Variants in RTL4 observed in about 807,000 individuals in gnomAD.
RTL4 encodes retrotransposon Gag-like protein 4.
RTL4 carries 4 observed loss-of-function variants against 5.3 expected under a neutral mutation model. The observed-to-expected ratio is 0.75, with a 90% CI of 0.37 to 1.72. The LOEUF is 1.72. Among genes scored for constraint, RTL4 ranks in the 40% most tolerant of loss-of-function variants. The pLI is 0.04. For missense variants in RTL4, 260 were observed against 227.1 expected, an observed-to-expected ratio of 1.14 and a Z score of -0.93; for synonymous variants, 98 against 87.3, an observed-to-expected ratio of 1.12 and a Z score of -0.68.
At chrX:112,272,754 G>C in the RTL4 span, among the ~76,000 whole-genome samples, 16 of 111,102 alleles carry the variant, frequency 1.4e-4, no homozygotes, top group African/African-American at 4.9e-4. Context: ...TTTTTTCCTA[G>C]AATTTTGTCT....
chrX:112,269,991 A>T, the RTL4 span, among the ~76,000 whole-genome samples: 14 of 112,475 alleles, frequency 1.2e-4, no homozygotes, highest in East Asian at 3.6e-3. Context: ...ATGGAGAAGG[A>T]TAATTAGAAT....
At chrX:112,335,529 A>G in the RTL4 span, among the ~76,000 whole-genome samples, 34 of 111,183 alleles carry the variant, frequency 3.1e-4, no homozygotes, top group African/African-American at 1.1e-3. Flanking sequence ...TTTTTCTCCT[A>G]TCGTGATGAT....
chrX:112,269,668 G>A, the RTL4 span, among the ~76,000 whole-genome samples: 1 of 111,622 alleles, frequency 9.0e-6, no homozygotes, highest in Non-Finnish European at 1.9e-5. Flanking sequence ...ATAAAGACTG[G>A]GCCTAACCAC....
chrX:112,094,440 TAG>T, the RTL4 span, among the ~76,000 whole-genome samples: 6 of 110,589 alleles, frequency 5.4e-5, no homozygotes, highest in African/African-American at 2.0e-4. Context: ...GGGGAGATGT[TAG>T]AGAGTTGGTC....
At chrX:112,412,671 G>A in the RTL4 span, among the ~76,000 whole-genome samples, 1 of 111,611 alleles carries the variant, frequency 9.0e-6, no homozygotes, top group African/African-American at 3.3e-5. Context: ...AATGAAACTA[G>A]ACCTCTATCT....
chrX:112,406,140 GA>G, the RTL4 span, among the ~76,000 whole-genome samples: 1 of 111,562 alleles, frequency 9.0e-6, no homozygotes, highest in Non-Finnish European at 1.9e-5. Flanking sequence ...AACTTGAAAG[GA>G]AGTCTAAGCC....
the RTL4 span, among the ~76,000 whole-genome samples, chrX:112,150,839 GT>G: frequency 8.9e-6 from 1 of 112,215 alleles, no homozygotes; most frequent in Non-Finnish European, 1.9e-5. Context: ...AGAGGAAATA[GT>G]AGAGAACCAC....
chrX:112,369,450 T>C, the RTL4 span, among the ~76,000 whole-genome samples: 2 of 110,385 alleles, frequency 1.8e-5, no homozygotes, highest in African/African-American at 6.7e-5. Flanking sequence ...TCAGAATCCT[T>C]CATAACTGTC....
chrX:112,358,547 G>T, the RTL4 span, among the ~76,000 whole-genome samples: 1 of 111,421 alleles, frequency 9.0e-6, no homozygotes, highest in Non-Finnish European at 1.9e-5. Flanking sequence ...CAATTGCAGA[G>T]GTAAACAAAG....
At chrX:112,432,394 T>G in the RTL4 span, among the ~76,000 whole-genome samples, 2 of 93,144 alleles carry the variant, frequency 2.1e-5, no homozygotes, top group African/African-American at 4.1e-5. Context: ...CAGCACCTGT[T>G]GTTTCCTGAC....
At chrX:112,325,017 A>G in the RTL4 span, among the ~76,000 whole-genome samples, 1 of 111,878 alleles carries the variant, frequency 8.9e-6, no homozygotes, top group Non-Finnish European at 1.9e-5. Context: ...AGACAAACAG[A>G]GAGCCAAATC....
At chrX:112,273,769 A>C in the RTL4 span, among the ~76,000 whole-genome samples, 2 of 111,476 alleles carry the variant, frequency 1.8e-5, no homozygotes, top group Non-Finnish European at 3.8e-5. Context: ...TGTGACCTTG[A>C]GCAAGTAACT....
the RTL4 span, among the ~76,000 whole-genome samples, chrX:112,281,102 C>T: frequency 9.0e-6 from 1 of 111,438 alleles, no homozygotes; most frequent in Non-Finnish European, 1.9e-5. Flanking sequence ...AAACTTATTT[C>T]TCCTATCTAA....
the RTL4 span, among the ~76,000 whole-genome samples, chrX:112,328,994 G>T: frequency 2.7e-4 from 30 of 111,564 alleles, no homozygotes; most frequent in Non-Finnish European, 4.5e-4. Flanking sequence ...GAATCTCTGG[G>T]ATGCATTCAA....
the RTL4 span, among the ~76,000 whole-genome samples, chrX:112,250,238 C>G: frequency 9.3e-6 from 1 of 108,070 alleles, no homozygotes; most frequent in African/African-American, 3.4e-5. Context: ...GAGATCGTGC[C>G]ACTGCACTCC....
chrX:112,381,772 G>A, the RTL4 span: 1 of 1,205,629 alleles, frequency 8.3e-7, no homozygotes, highest in African/African-American at 1.7e-5. Flanking sequence ...TACAGGAGGA[G>A]ACAAAGAAAG....
chrX:112,158,840 A>G, the RTL4 span, among the ~76,000 whole-genome samples: 2 of 111,685 alleles, frequency 1.8e-5, no homozygotes, highest in Non-Finnish European at 3.8e-5. Flanking sequence ...TCCTAGAAGC[A>G]AAAACACTGG....
At chrX:112,450,232 C>T (rs761480751), upstream of RTL4, among the ~76,000 whole-genome samples, 7 of 112,321 alleles carry the variant, frequency 6.2e-5, no homozygotes, top group Non-Finnish European at 1.3e-4. Context: ...GTTTTATGTT[C>T]GAGGAAACTG....
the RTL4 span, among the ~76,000 whole-genome samples, chrX:112,292,871 A>C: frequency 1.8e-5 from 2 of 111,880 alleles, 1 homozygote; most frequent in Admixed American, 1.9e-4. Flanking sequence ...ATTTTTGAGA[A>C]AGATCATACT....
Sources: allele counts gnomAD v4.1 joint callset (sites outside exome capture counted in the v4.1 genomes callset), GRCh38; gene constraint gnomAD v4.1.1; transcripts MANE v1.5; gene names NCBI Gene and HGNC (gene_info 2026-07-23, HGNC 2026-07-21).